HASPIN: variants seen among roughly 807,000 people sequenced by gnomAD.
HASPIN encodes the protein histone H3 associated protein kinase.
A neutral mutation model predicts 28.8 loss-of-function variants in HASPIN; 24 were observed. That is an observed-to-expected ratio of 0.83 (90% CI 0.60 to 1.17). HASPIN has a LOEUF of 1.17. Ranked by LOEUF, HASPIN falls within the 50% of genes most tolerant of loss-of-function variation. The probability of loss-of-function intolerance (pLI) is 0.00; values close to 1 mark genes in which losing one functional copy is unlikely to be tolerated. For synonymous variants in HASPIN, 440 were observed against 413.1 expected, an observed-to-expected ratio of 1.07 and a Z score of -0.79; for missense variants, 1,016 against 1,018.5, an observed-to-expected ratio of 1.00 and a Z score of 0.03.
Position 3,726,619 on chromosome 17 carries a change from A to T in HASPIN, c.*287A>T, listed in dbSNP as rs2051219398. ...GAGGCAGGAGGATCGCTTGAGCCCA[A>T]GAGTTCATATCTAGCCTGGTCAACA... On this transcript the variant is annotated 3_prime_UTR_variant, in exon 1 of 1. Transcript: ENST00000325418. The T allele has an allele frequency of 2.6e-6, 1 of 390,062 alleles. No homozygotes were observed. Among genetic ancestry groups the T allele is most frequent in the Admixed American group, 4.2e-5 (1 of 23,906 alleles). 24.2% of individuals were successfully genotyped at this position (390,062 alleles called of 1,614,324 possible). A position where few individuals can be genotyped will look rare whatever the true frequency, so the allele number is the denominator to read the frequency against.
At position 3,725,281 on chromosome 17, in the gene HASPIN, C is replaced by A; in HGVS notation, c.1346C>A (p.Thr449Asn). ...ATGTATTTGCTAAGCCCCTTAAACACTCTAAGTATTTCAAACAAAAAGGCA... is the reference window on the plus strand; with the variant it reads ...ATGTATTTGCTAAGCCCCTTAAACAATCTAAGTATTTCAAACAAAAAGGCA... ...SSMYLLSPLN[T>N]LSISNKKASD... The change falls in exon 1 of 1, where the codon ACT (threonine) becomes AAT (asparagine). Residue 449 changes from threonine (T) to asparagine (N), a missense_variant. Around this residue, in one of 3 missense-constraint regions of HASPIN, gnomAD observed 881 missense variants for 845.5 expected, o/e 1.04. Transcript: ENST00000325418. 1 of 1,614,180 alleles carries A rather than the reference C, an allele frequency of 6.2e-7. No homozygotes were observed. Among genetic ancestry groups the A allele is most frequent in the Non-Finnish European group, 8.5e-7 (1 of 1,180,028 alleles).
chr17:3,724,137 GA>G lies in HASPIN; in HGVS notation c.203del (p.Asp68AlafsTer9), dbSNP rs767552223. Reference sequence around the variant, plus strand: ...GTCCGACGATCCTGACGATCCCGACGACCCCGACTTCCCCGGCAGCCCGGTG... The same window carrying G: ...GTCCGACGATCCTGACGATCCCGACGCCCCGACTTCCCCGGCAGCCCGGTG... ...SQSDDPDDPD[D>X]PDFPGSPVRR... On this transcript the variant is annotated frameshift_variant, in exon 1 of 1. Coordinates refer to ENST00000325418, the MANE Select transcript of HASPIN (RefSeq NM_031965.2). LOFTEE classifies it low-confidence loss of function (END_TRUNC). 66 of 1,595,408 alleles carry G rather than the reference GA, an allele frequency of 4.1e-5. No individual in the cohort carries two copies. Among genetic ancestry groups the G allele is most frequent in the Non-Finnish European group, 5.5e-5 (65 of 1,177,424 alleles).
Position 3,724,043 on chromosome 17 carries a change from G to A in HASPIN, c.108G>A (p.Pro36=), listed in dbSNP as rs1209375228. The part of the protein sequence containing the change: ...RPGREAAQWF[P]PQDRRRFFNS... ...GCCGGGAAGCCGCGCAGTGGTTCCCGCCGCAGGACCGGAGGCGTTTCTTCA... is the reference window on the plus strand; with the variant it reads ...GCCGGGAAGCCGCGCAGTGGTTCCCACCGCAGGACCGGAGGCGTTTCTTCA... Residue 36 remains proline, a synonymous_variant, in exon 1 of 1, where the codon CCG becomes CCA. Coordinates refer to ENST00000325418, the MANE Select transcript of HASPIN (RefSeq NM_031965.2). The A allele has an allele frequency of 2.5e-6, 4 of 1,595,708 alleles. No homozygotes were observed. Among genetic ancestry groups the A allele is most frequent in the Non-Finnish European group, 3.4e-6 (4 of 1,176,888 alleles).
chr17:3,723,954 G>C lies in HASPIN; in HGVS notation c.19G>C (p.Gly7Arg). Residue 7 changes from glycine (G) to arginine (R), a missense_variant, in exon 1 of 1, where the codon GGA (glycine) becomes CGA (arginine). Gly to Arg is a moderately radical substitution (Grantham distance 125, BLOSUM62 -2). Transcript: ENST00000325418. Reference protein sequence around the residue: MAASLPGPGSRLFRTYG... With the variant: MAASLPRPGSRLFRTYG... ...GCCGGCCATGGCGGCTTCGCTCCCGGGACCTGGGAGCCGGCTTTTCCGCAC... is the reference window on the plus strand; with the variant it reads ...GCCGGCCATGGCGGCTTCGCTCCCGCGACCTGGGAGCCGGCTTTTCCGCAC... The C allele has an allele frequency of 6.4e-7, 1 of 1,565,862 alleles. No individual in the cohort carries two copies. The highest frequency in any genetic ancestry group is 8.7e-7 in the Non-Finnish European group (1 of 1,155,306).
Position 3,726,218 on chromosome 17 carries a change from A to G in HASPIN, c.2283A>G (p.Lys761=). Residue 761 remains lysine, a synonymous_variant, in exon 1 of 1, where the codon AAA becomes AAG. Transcript: ENST00000325418. ...KMLKQMTFKT[K]CNTPAMKQIK... ...TGAAACAAATGACCTTCAAGACTAAATGTAACACTCCTGCCATGAAGCAAA... is the reference window on the plus strand; with the variant it reads ...TGAAACAAATGACCTTCAAGACTAAGTGTAACACTCCTGCCATGAAGCAAA... 6.2e-7 allele frequency: 1 copy of G among 1,614,174 alleles called. No homozygotes were observed. Among genetic ancestry groups the G allele is most frequent in the Non-Finnish European group, 8.5e-7 (1 of 1,179,984 alleles).
Position 3,725,856 on chromosome 17 carries a change from G to T in HASPIN, c.1921G>T (p.Ala641Ser), listed in dbSNP as rs1375841218. 3 of 1,602,492 alleles carry T rather than the reference G, an allele frequency of 1.9e-6. No individual in the cohort carries two copies. Among genetic ancestry groups the T allele is most frequent in the Non-Finnish European group, 2.6e-6 (3 of 1,176,278 alleles). Reference sequence around the variant, plus strand: ...CACAGCCTCCCTCGCAGTGGCAGAGGCATCACTGCGCTTTGAGCACCGAGA... The same window carrying T: ...CACAGCCTCCCTCGCAGTGGCAGAGTCATCACTGCGCTTTGAGCACCGAGA... ...QLTASLAVAE[A>S]SLRFEHRDLH... The change falls in exon 1 of 1, where the codon GCA (alanine) becomes TCA (serine). Residue 641 changes from alanine (A) to serine (S), a missense_variant. Physicochemically the swap from Ala to Ser is moderately conservative, Grantham distance 99. This residue lies in a region of HASPIN where 881 missense variants were observed against 845.5 expected (regional missense o/e 1.04). Coordinates refer to ENST00000325418, the MANE Select transcript of HASPIN (RefSeq NM_031965.2).
Position 3,725,606 on chromosome 17 carries a change from C to T in HASPIN, c.1671C>T (p.Ile557=), listed in dbSNP as rs774399093. The part of the protein sequence containing the change: ...GEVCNRTEGF[I]GLNSVHCVQG... ...TGTGCAACCGCACAGAAGGCTTTATCGGGCTGAACTCAGTGCACTGTGTCC... is the reference window on the plus strand; with the variant it reads ...TGTGCAACCGCACAGAAGGCTTTATTGGGCTGAACTCAGTGCACTGTGTCC... Residue 557 remains isoleucine (I), a synonymous_variant, in exon 1 of 1, where the codon ATC becomes ATT. Transcript: ENST00000325418. 6.2e-6 allele frequency: 10 copies of T among 1,613,956 alleles called. No individual in the cohort carries two copies. Among genetic ancestry groups the T allele is most frequent in the South Asian group, 2.2e-5 (2 of 91,066 alleles).
chr17:3,724,320 C>A lies in HASPIN; in HGVS notation c.385C>A (p.Pro129Thr). 6.3e-7 allele frequency: 1 copy of A among 1,587,338 alleles called. No homozygotes were observed. The highest frequency in any genetic ancestry group is 8.5e-7 in the Non-Finnish European group (1 of 1,173,112). The change falls in exon 1 of 1, where the codon CCC (proline) becomes ACC (threonine). Residue 129 changes from proline to threonine, a missense_variant. Pro to Thr is a conservative substitution (Grantham distance 38, BLOSUM62 -1). This residue lies in a region of HASPIN where 881 missense variants were observed against 845.5 expected (regional missense o/e 1.04). Coordinates refer to ENST00000325418, the MANE Select transcript of HASPIN (RefSeq NM_031965.2). The stretch of plus-strand genomic sequence containing the variant: ...TCGGCCCCCGCAGAAGTGCAGCACA[C>A]CCTGCGGCCCGCTCCGACTTCCGCC... ...RARPPQKCST[P>T]CGPLRLPPFP...
chr17:3,725,692 C>T lies in HASPIN; in HGVS notation c.1757C>T (p.Ser586Phe), dbSNP rs144505339. The change falls in exon 1 of 1, where the codon TCT becomes TTT. Residue 586 changes from serine (S) to phenylalanine (F), a missense_variant. Ser to Phe is a radical substitution (Grantham distance 155). Coordinates refer to ENST00000325418, the MANE Select transcript of HASPIN (RefSeq NM_031965.2). ...GATCACTATAATTCAACCAAAGGCT[C>T]TGCAAATGACCGGCCTGATTTTTTT... ...AWDHYNSTKG[S>F]ANDRPDFFKD... is the part of the protein sequence containing the mutation. 2.5e-6 allele frequency: 4 copies of T among 1,579,308 alleles called. No homozygotes were observed. The highest frequency in any genetic ancestry group is 3.4e-6 in the Non-Finnish European group (4 of 1,162,986).
At position 3,724,316 on chromosome 17, in the gene HASPIN, C is replaced by T; in HGVS notation, c.381C>T (p.Ser127=). 6.3e-7 allele frequency: 1 copy of T among 1,587,690 alleles called. No individual in the cohort carries two copies. The highest frequency in any genetic ancestry group is 8.5e-7 in the Non-Finnish European group (1 of 1,173,384). Residue 127 remains serine, a synonymous_variant, in exon 1 of 1, where the codon AGC becomes AGT. Transcript: ENST00000325418. ...GLRARPPQKC[S]TPCGPLRLPP... ...GAGCTCGGCCCCCGCAGAAGTGCAGCACACCCTGCGGCCCGCTCCGACTTC... is the reference window on the plus strand; with the variant it reads ...GAGCTCGGCCCCCGCAGAAGTGCAGTACACCCTGCGGCCCGCTCCGACTTC...
In HASPIN at chr17:3,726,403, C is replaced by CTGTGGGGACGGAGGTTGA; in HGVS notation, c.*71_*72insTGTGGGGACGGAGGTTGA. 1.8e-6 allele frequency: 2 copies of CTGTGGGGACGGAGGTTGA among 1,082,512 alleles called. No homozygotes were observed. The highest frequency in any genetic ancestry group is 2.7e-6 in the Non-Finnish European group (2 of 736,212). The allele number at this position is 1,082,512 out of a possible 1,614,324, so 67.1% of individuals were successfully genotyped here. A position where few individuals can be genotyped will look rare whatever the true frequency, so the allele number is the denominator to read the frequency against. ...AAGCCTCTGGTGCTGTTTCAACCTC[C>CTGTGGGGACGGAGGTTGA]ATCCCCACAGGAGGGTGGAACTCCC... On this transcript the variant is annotated 3_prime_UTR_variant, in exon 1 of 1. Transcript: ENST00000325418.
rs769121595 is a variant in HASPIN at position 3,724,984 on chromosome 17, T to C, written c.1049T>C (p.Leu350Pro). The change falls in exon 1 of 1, where the codon CTC becomes CCC. Residue 350 changes from leucine (L) to proline (P), a missense_variant. By Grantham distance (98) the Leu-to-Pro change is moderately conservative. Coordinates refer to ENST00000325418, the MANE Select transcript of HASPIN (RefSeq NM_031965.2). Reference protein sequence around the residue: ...SKHQEATETSLLHSHRFKKGQ... With the variant: ...SKHQEATETSPLHSHRFKKGQ... ...CATCAGGAGGCAACGGAAACCTCTC[T>C]CCTCCATTCCCACCGCTTTAAAAAG... 1 of 1,614,058 alleles carries C rather than the reference T, an allele frequency of 6.2e-7. No individual in the cohort carries two copies. The highest frequency in any genetic ancestry group is 8.5e-7 in the Non-Finnish European group (1 of 1,180,016).
At position 3,725,877 on chromosome 17, in the gene HASPIN, CGA is replaced by C; in HGVS notation, c.1945_1946del (p.Asp649LeufsTer38). The C allele has an allele frequency of 6.2e-7, 1 of 1,611,988 alleles. No homozygotes were observed. Among genetic ancestry groups the C allele is most frequent in the Non-Finnish European group, 8.5e-7 (1 of 1,180,004 alleles). On this transcript the variant is annotated frameshift_variant, in exon 1 of 1. Transcript: ENST00000325418. LOFTEE classifies it high-confidence loss of function. ...VAEASLRFEHRDLHWGNVLLK... is the reference protein window; with the variant it reads ...VAEASLRFEHXDLHWGNVLLK... ...AGAGGCATCACTGCGCTTTGAGCACCGAGACTTACACTGGGGGAACGTGCTCT... is the reference window on the plus strand; with the variant it reads ...AGAGGCATCACTGCGCTTTGAGCACCGACTTACACTGGGGGAACGTGCTCT...
Position 3,725,475 on chromosome 17 carries a change from G to A in HASPIN, c.1540G>A (p.Ala514Thr). 4.3e-6 allele frequency: 7 copies of A among 1,614,200 alleles called. No individual in the cohort carries two copies. The highest frequency in any genetic ancestry group is 5.9e-6 in the Non-Finnish European group (7 of 1,180,046). The part of the protein sequence containing the change: ...DHTPVAIKII[A>T]IEGPDLVNGS... ...CACACCCGTAGCCATAAAAATCATT[G>A]CTATTGAAGGACCAGATTTAGTCAA... Residue 514 changes from alanine to threonine, a missense_variant, in exon 1 of 1, where the codon GCT becomes ACT. Ala to Thr is a moderately conservative substitution (Grantham distance 58). This residue lies in a region of HASPIN where 881 missense variants were observed against 845.5 expected (regional missense o/e 1.04). Transcript: ENST00000325418.
In HASPIN at chr17:3,724,637, C is replaced by T; in HGVS notation, c.702C>T (p.Val234=). 1.2e-6 allele frequency: 2 copies of T among 1,614,158 alleles called. No individual in the cohort carries two copies. Among genetic ancestry groups the T allele is most frequent in the Non-Finnish European group, 1.7e-6 (2 of 1,180,020 alleles). ...GAGGAGCCAAGGACACCAGGATGGT[C>T]CACCAAACCCGCGCCAGCCTCAGGT... ...ATGGAKDTRM[V]HQTRASLRSV... The change falls in exon 1 of 1, where the codon GTC becomes GTT. Residue 234 remains valine, a synonymous_variant. Coordinates refer to ENST00000325418, the MANE Select transcript of HASPIN (RefSeq NM_031965.2).
In HASPIN at chr17:3,723,983, T is replaced by C. The variant is rs370861008; in HGVS notation, c.48T>C (p.Tyr16=). Residue 16 remains tyrosine, a synonymous_variant, in exon 1 of 1, where the codon TAT becomes TAC. Transcript: ENST00000325418. ...CTGGGAGCCGGCTTTTCCGCACATA[T>C]GGGGCTGCGGACGGCAGGAGACAGC... is the stretch of plus-strand genomic sequence containing the variant. ...PGPGSRLFRT[Y]GAADGRRQRR... The C allele has an allele frequency of 7.5e-6, 12 of 1,592,332 alleles. No individual in the cohort carries two copies. In the African/African-American group the frequency reaches 1.5e-4, roughly 20 times the overall value.
chr17:3,726,535 A>G lies in HASPIN; in HGVS notation c.*203A>G. 1 of 573,578 alleles carries G rather than the reference A, an allele frequency of 1.7e-6. No homozygotes were observed. Among genetic ancestry groups the G allele is most frequent in the Non-Finnish European group, 3.1e-6 (1 of 318,818 alleles). 35.5% of individuals were successfully genotyped at this position (573,578 alleles called of 1,614,324 possible). On this transcript the variant is annotated 3_prime_UTR_variant, in exon 1 of 1. Transcript: ENST00000325418. ...ATTTGCTGATAACAAATGTTCTGAA[A>G]GAAGTAAACTAGCCGGGCACAGTGG...
At position 3,724,883 on chromosome 17, in the gene HASPIN, C is replaced by T; in HGVS notation, c.948C>T (p.Ala316=). ...CCGTCCGGAGAGAGCATCAGGAGGC[C>T]AGTGTTCCCAAGGGCCGCATTGTGC... ...QEAVRREHQE[A]SVPKGRIVPR... The change falls in exon 1 of 1, where the codon GCC becomes GCT. Residue 316 remains alanine, a synonymous_variant. Transcript: ENST00000325418. 6.2e-7 allele frequency: 1 copy of T among 1,613,488 alleles called. No homozygotes were observed. Among genetic ancestry groups the T allele is most frequent in the Non-Finnish European group, 8.5e-7 (1 of 1,179,794 alleles).
In HASPIN at chr17:3,724,634, G is replaced by A. The variant is rs1407216303; in HGVS notation, c.699G>A (p.Met233Ile). ...CAGGAGGAGCCAAGGACACCAGGAT[G>A]GTCCACCAAACCCGCGCCAGCCTCA... ...EATGGAKDTRMVHQTRASLRS... is the reference protein window; with the variant it reads ...EATGGAKDTRIVHQTRASLRS... The change falls in exon 1 of 1, where the codon ATG becomes ATA. Residue 233 changes from methionine to isoleucine, a missense_variant. This residue lies in a region of HASPIN where 881 missense variants were observed against 845.5 expected (regional missense o/e 1.04). Coordinates refer to ENST00000325418, the MANE Select transcript of HASPIN (RefSeq NM_031965.2). The A allele has an allele frequency of 3.7e-6, 6 of 1,614,212 alleles. No homozygotes were observed. Among genetic ancestry groups the A allele is most frequent in the South Asian group, 2.2e-5 (2 of 91,084 alleles).
Sources: allele counts gnomAD v4.1 joint callset, GRCh38; gene constraint gnomAD v4.1.1; regional missense constraint gnomAD v4.1.1; transcripts MANE v1.5; gene names NCBI Gene and HGNC (gene_info 2026-07-23, HGNC 2026-07-21).